Variants in ZBTB25 observed in about 807,000 individuals in gnomAD.
The protein encoded by ZBTB25 is zinc finger and BTB domain-containing protein 25.
In ZBTB25, 20 loss-of-function variants were observed where a neutral mutation model predicts 34.2. The observed-to-expected ratio is 0.58, with a 90% confidence interval of 0.41 to 0.85. The LOEUF is 0.85. Among genes scored for constraint, ZBTB25 ranks in the 40% least tolerant of loss-of-function variants. The pLI is 0.00. For synonymous variants in ZBTB25, 175 were observed against 186.4 expected (o/e 0.94, Z 0.50); for missense variants, 437 against 521.8 (o/e 0.84, Z 1.58).
At chr14:64,468,999 G>A in intron 2 of ZBTB25, 1 of 1,614,194 alleles carries the variant, frequency 6.2e-7, no homozygotes, top group Non-Finnish European at 8.5e-7. Flanking sequence ...GTGAGCAATA[G>A]CACAACTTCT....
At position 64,486,933 on chromosome 14, in the gene ZBTB25, A is replaced by C; in HGVS notation, c.1298T>G (p.Leu433Arg). The C allele has an allele frequency of 4.4e-6, 7 of 1,596,968 alleles. No homozygotes were observed. Among genetic ancestry groups the C allele is most frequent in the Non-Finnish European group, 6.0e-6 (7 of 1,172,384 alleles). ...ELTQENVDTI[L>R]VE Reference sequence around the variant, plus strand: ...CTGAAAGAGAAGCTGCTACTCAACTAGGATAGTATCCACATTTTCTTGTGT... The same window carrying C: ...CTGAAAGAGAAGCTGCTACTCAACTCGGATAGTATCCACATTTTCTTGTGT... Residue 433 changes from leucine (L) to arginine (R), a missense_variant, in exon 3 of 3, where the codon CTA (leucine) becomes CGA (arginine). Transcript: ENST00000608382.
chr14:64,488,123 T>TATAGTCTGAGACTAAAGCA, intron 2 of ZBTB25, 66 bp from the exon 3 acceptor site: 1 of 1,549,796 alleles, frequency 6.5e-7, no homozygotes. Context: ...CAGTTAACAG[T>TATAGTCTGAGACTAAAGCA]ATAGTCTGAG....
In ZBTB25 at chr14:64,479,934, T is replaced by C. The variant is rs1376236397; in HGVS notation, c.*6989A>G. 4 of 152,534 alleles carry C rather than the reference T, an allele frequency of 2.6e-5. No individual in the cohort carries two copies. The highest frequency in any genetic ancestry group is 9.6e-5 in the African/African-American group (4 of 41,462). 9.4% of individuals were successfully genotyped at this position (152,534 alleles called of 1,614,324 possible). A position where few individuals can be genotyped will look rare whatever the true frequency, so the allele number is the denominator to read the frequency against. ...CAGTTCTACCTGTTGTTTCTTTCTT[T>C]TTCTGGAGAATCCTGACTAATATAC... On this transcript the variant is annotated 3_prime_UTR_variant, in exon 3 of 3. Transcript: ENST00000608382.
At chr14:64,452,869 ATTTT>A (rs2078397431) in intron 2 of ZBTB25, among the ~76,000 whole-genome samples, 1 of 151,820 alleles carries the variant, frequency 6.6e-6, no homozygotes, top group African/African-American at 2.4e-5. Context: ...CTACTTTTTA[ATTTT>A]TATTATTATT....
rs778065397 is a variant in ZBTB25, at chr14:64,469,468, C to T, written c.174-19830G>A. The T allele has an allele frequency of 7.4e-6, 12 of 1,613,112 alleles. No individual in the cohort carries two copies. In the Admixed American group the frequency reaches 1.5e-4, roughly 20 times the overall value. On this transcript the variant is annotated intron_variant, in intron 2 of 2. Coordinates refer to the ZBTB25 transcript ENST00000555220. ...TTGATGTTACAAAATCTAAAAATGT[C>T]CCTAAGCAATTCTTAATTTCAGCTG... is the stretch of plus-strand genomic sequence containing the variant.
chr14:64,488,732 G>A (rs1314753874), intron 2 of ZBTB25, among the ~76,000 whole-genome samples: 14 of 152,102 alleles, frequency 9.2e-5, no homozygotes, highest in Non-Finnish European at 1.3e-4. Context: ...GTAAATTAGC[G>A]GTTTCTGGGG....
intron 1 of ZBTB25, chr14:64,502,864 C>T (rs2140035886): frequency 1.0e-6 from 1 of 983,840 alleles, no homozygotes; most frequent in Non-Finnish European, 1.2e-6. Flanking sequence ...CACCTCTCGG[C>T]TCTAAAATTT....
downstream of ZBTB25, chr14:64,473,535 TTAACTTCATCCATACATTTC>T (rs1487137640): frequency 6.0e-6 from 1 of 167,106 alleles, no homozygotes; most frequent in Non-Finnish European, 1.5e-5. Context: ...CAATCCAGCA[TTAACTTCATCCATACATTTC>T]TAACTTCATC....
At chr14:64,474,176 A>G (rs976034994), downstream of ZBTB25, 3 of 167,202 alleles carry the variant, frequency 1.8e-5, no homozygotes, top group East Asian at 5.8e-4. Flanking sequence ...AGAGAGAGCA[A>G]TTAATTTGGT....
Position 64,485,884 on chromosome 14 carries a change from G to T in ZBTB25, c.*1039C>A, listed in dbSNP as rs1255702611. The T allele has an allele frequency of 1.0e-6, 1 of 985,140 alleles. No individual in the cohort carries two copies. The highest frequency in any genetic ancestry group is 1.7e-5 in the African/African-American group (1 of 57,180). The allele number at this position is 985,140 out of a possible 1,614,324, so 61.0% of individuals were successfully genotyped here. On this transcript the variant is annotated 3_prime_UTR_variant, in exon 3 of 3. Coordinates refer to ENST00000608382, the MANE Select transcript of ZBTB25 (RefSeq NM_006977.5). ...CACTCTAGACCAAGTTAACAACCCT[G>T]GGGTTTTTAGTCAATGCAGTTCTAG...
At chr14:64,457,492 GT>G (rs1428063783) in intron 2 of ZBTB25, among the ~76,000 whole-genome samples, 1 of 146,622 alleles carries the variant, frequency 6.8e-6, no homozygotes, top group African/African-American at 2.5e-5. Flanking sequence ...GTCTTGCTCT[GT>G]CACCCAGGCT....
In ZBTB25 at chr14:64,478,401, A is replaced by C. The variant is rs1023793953; in HGVS notation, c.*8522T>G. Reference sequence around the variant, plus strand: ...GTTGTTGAACCACAGTTGGAAAAGAAAGTAAATTTCAGTAGGTAACATACC... The same window carrying C: ...GTTGTTGAACCACAGTTGGAAAAGACAGTAAATTTCAGTAGGTAACATACC... On this transcript the variant is annotated 3_prime_UTR_variant, in exon 3 of 3. Coordinates refer to ENST00000608382, the MANE Select transcript of ZBTB25 (RefSeq NM_006977.5). The C allele has an allele frequency of 3.9e-5, 6 of 152,252 alleles. No individual in the cohort carries two copies. Among genetic ancestry groups the C allele is most frequent in the Non-Finnish European group, 7.3e-5 (5 of 68,050 alleles). 9.4% of individuals were successfully genotyped at this position (152,252 alleles called of 1,614,324 possible). A position where few individuals can be genotyped will look rare whatever the true frequency, so the allele number is the denominator to read the frequency against.
At chr14:64,473,298 G>C (rs921180304), downstream of ZBTB25, 1 of 167,044 alleles carries the variant, frequency 6.0e-6, no homozygotes, top group African/African-American at 2.4e-5. Context: ...TAAGCATGTG[G>C]CATAAATGGA....
chr14:64,469,002 C>T (rs1256149), intron 2 of ZBTB25: 1,610,017 of 1,614,232 alleles, frequency 1, 802,992 homozygotes, highest in African/African-American at 1. Flanking sequence ...AGCAATAGCA[C>T]AACTTCTGGA....
chr14:64,499,331 C>T (rs553969635), intron 1 of ZBTB25: 5 of 152,196 alleles, frequency 3.3e-5, no homozygotes, highest in African/African-American at 1.2e-4. Context: ...CTTTGGGAGG[C>T]CGAGGCAGGT....
At position 64,503,742 on chromosome 14, in the gene ZBTB25, C is replaced by G. The variant is rs2079577497; in HGVS notation, c.-89G>C. ...AGCCGCGCACTGCAAGCAGTGGCGC[C>G]GGCTCACGCACCCCTCGGCCGCCTC... On this transcript the variant is annotated 5_prime_UTR_variant, in exon 1 of 3. Transcript: ENST00000608382. 3 of 428,660 alleles carry G rather than the reference C, an allele frequency of 7.0e-6. No homozygotes were observed. The highest frequency in any genetic ancestry group is 6.2e-6 in the Non-Finnish European group (2 of 320,848). The allele number at this position is 428,660 out of a possible 1,614,324, so 26.6% of individuals were successfully genotyped here. A position where few individuals can be genotyped will look rare whatever the true frequency, so the allele number is the denominator to read the frequency against.
exon 3 of ZBTB25, chr14:64,449,243 A>T (rs906711969): frequency 1.3e-5 from 8 of 639,560 alleles, no homozygotes; most frequent in African/African-American, 1.1e-4. Context: ...CCAGGGTGGA[A>T]ATTGAGGCAC....
chr14:64,475,564 G>A (rs1248016060), downstream of ZBTB25, among the ~76,000 whole-genome samples: 4 of 151,310 alleles, frequency 2.6e-5, no homozygotes, highest in Admixed American at 2.6e-4. Context: ...TAATGCTGAC[G>A]TCTGGAGTCC....
intron 1 of ZBTB25, chr14:64,503,457 G>A: frequency 1.0e-6 from 1 of 985,438 alleles, no homozygotes; most frequent in Non-Finnish European, 1.2e-6. Context: ...GGTGGTTCTG[G>A]GTATTGTCGG....
Sources: gnomAD v4.1 joint callset for allele counts (sites outside exome capture counted in the v4.1 genomes callset) on GRCh38, gnomAD v4.1.1 for gene constraint, MANE v1.5 for transcripts, NCBI Gene and HGNC (gene_info 2026-07-23, HGNC 2026-07-21) for gene names.